TSC2: variants seen among roughly 807,000 people sequenced by gnomAD.
TSC2 encodes the protein TSC complex subunit 2, also known as tuberin.
Under a neutral mutation model 202.2 loss-of-function variants are expected in TSC2, and 29 were observed. The ratio of observed to expected loss-of-function variants is 0.14; its 90% CI spans 0.11 to 0.20. The LOEUF is 0.20. TSC2 is among the 10% of genes least tolerant of loss of function. The pLI is 1.00. For synonymous variants in TSC2, 1,349 were observed against 1,044.0 expected, an observed-to-expected ratio of 1.29 and a Z score of -5.63; for missense variants, 2,429 against 2,420.0, an observed-to-expected ratio of 1.00 and a Z score of -0.08.
In TSC2 at chr16:2,088,742, G is replaced by C; in HGVS notation, c.*132G>C. On this transcript the variant is annotated 3_prime_UTR_variant, in exon 42 of 42. Transcript: ENST00000219476. ...GACAGCTCTTTTATTGACTTTGTCTGCTTGGTGCGGGGGTTGGGGGGGTGT... is the reference window on the plus strand; with the variant it reads ...GACAGCTCTTTTATTGACTTTGTCTCCTTGGTGCGGGGGTTGGGGGGGTGT... 1 of 1,293,196 alleles carries C rather than the reference G, an allele frequency of 7.7e-7. No homozygotes were observed. The highest frequency in any genetic ancestry group is 1.1e-6 in the Non-Finnish European group (1 of 945,666). 80.1% of individuals were successfully genotyped at this position (1,293,196 alleles called of 1,614,324 possible). A position where few individuals can be genotyped will look rare whatever the true frequency, so the allele number is the denominator to read the frequency against.
Position 2,053,325 on chromosome 16 carries a change from C to T in TSC2, c.226-17C>T, listed in dbSNP as rs1356531469. 7.0e-6 allele frequency: 11 copies of T among 1,564,024 alleles called. No individual in the cohort carries two copies. Among genetic ancestry groups the T allele is most frequent in the Admixed American group, 3.8e-5 (2 of 52,920 alleles). The stretch of plus-strand genomic sequence containing the variant: ...TGGAGAGCACATCCTCACCGCTGTC[C>T]CCTCTGCTGGTGACAGCACGCAGTG... On this transcript the variant is annotated splice_polypyrimidine_tract_variant and intron_variant, in intron 3 of 41. Coordinates refer to ENST00000219476, the MANE Select transcript of TSC2 (RefSeq NM_000548.5).
chr16:2,063,221 C>T (rs1232849011), intron 14 of TSC2, 168 bp downstream of exon 14: 2 of 810,692 alleles, frequency 2.5e-6, no homozygotes, highest in East Asian at 2.7e-5. Flanking sequence ...CATTCACTGG[C>T]TTGCTCGTCC....
In TSC2 at chr16:2,071,882, G is replaced by C. The variant is rs1567465004; in HGVS notation, c.2045G>C (p.Gly682Ala). ...CCTGCAGGCCCCGCCGTGCGGCTGG[G>C]GTCCGTGCCCTACTCCCTGCTCTTC... ...PAPAGPAVRL[G>A]SVPYSLLFRV... Residue 682 changes from glycine (G) to alanine (A), a missense_variant, in exon 19 of 42, where the codon GGG (glycine) becomes GCG (alanine). Coordinates refer to ENST00000219476, the MANE Select transcript of TSC2 (RefSeq NM_000548.5). The C allele has an allele frequency of 6.3e-7, 1 of 1,597,472 alleles. No individual in the cohort carries two copies. The highest frequency in any genetic ancestry group is 8.5e-7 in the Non-Finnish European group (1 of 1,172,730).
chr16:2,076,972 C>A (rs2089478505), intron 25 of TSC2, among the ~76,000 whole-genome samples: 1 of 152,240 alleles, frequency 6.6e-6, no homozygotes. Context: ...GCTGAGCCAG[C>A]CTCTGTGTTC....
rs2151354485 is a variant in TSC2 at position 2,074,341 on chromosome 16, A to G, written c.2497A>G (p.Ile833Val). 1 of 1,612,712 alleles carries G rather than the reference A, an allele frequency of 6.2e-7. No homozygotes were observed. Among genetic ancestry groups the G allele is most frequent in the Non-Finnish European group, 8.5e-7 (1 of 1,180,034 alleles). Residue 833 changes from isoleucine (I) to valine (V), a missense_variant, in exon 22 of 42, where the codon ATC becomes GTC. By Grantham distance (29) the Ile-to-Val change is conservative. Transcript: ENST00000219476. ...LPVLVVKLTH[I>V]SATASMAVPL... is the part of the protein sequence containing the mutation. ...TGTTCTGGTGGTGAAGCTCACGCAC[A>G]TCTCAGCCACAGCCAGCATGGCCGT...
chr16:2,073,017 G>T (rs1567471073), intron 21 of TSC2, 34 bp downstream of exon 21: 1 of 1,612,880 alleles, frequency 6.2e-7, no homozygotes, highest in Non-Finnish European at 8.5e-7. Flanking sequence ...CGAGCTTGAT[G>T]GGGCCTGGGA....
chr16:2,059,047 CTTTTTT>C (rs10592762), intron 10 of TSC2, among the ~76,000 whole-genome samples, 174 bp downstream of exon 10: 9 of 142,664 alleles, frequency 6.3e-5, no homozygotes, highest in African/African-American at 2.3e-4. Flanking sequence ...AGGCTTTAGT[CTTTTTT>C]TTTTTTTTGA....
intron 10 of TSC2, among the ~76,000 whole-genome samples, chr16:2,060,436 G>A (rs1244952748): frequency 6.6e-6 from 1 of 152,244 alleles, no homozygotes; most frequent in Non-Finnish European, 1.5e-5. Context: ...GTCTGTCCGA[G>A]TCAGGGACTT....
chr16:2,081,433 G>A lies in TSC2; in HGVS notation c.3611-162G>A. 4 of 898,692 alleles carry A rather than the reference G, an allele frequency of 4.5e-6. No homozygotes were observed. In the South Asian group the frequency reaches 5.5e-5, roughly 12 times the overall value. 55.7% of individuals were successfully genotyped at this position (898,692 alleles called of 1,614,324 possible). A position where few individuals can be genotyped will look rare whatever the true frequency, so the allele number is the denominator to read the frequency against. Reference sequence around the variant, plus strand: ...CAGGGGCTGAGCGGGGCAGCAGGGTGGGTGGCCGTCAGAGCAGCGCTGGCT... The same window carrying A: ...CAGGGGCTGAGCGGGGCAGCAGGGTAGGTGGCCGTCAGAGCAGCGCTGGCT... On this transcript the variant is annotated intron_variant, in intron 30 of 41. Transcript: ENST00000219476.
chr16:2,060,562 G>A (rs2086498872), intron 10 of TSC2, 108 bp from the exon 11 acceptor site: 2 of 1,575,042 alleles, frequency 1.3e-6, no homozygotes, highest in Admixed American at 1.7e-5. Flanking sequence ...CGTGTGGTGG[G>A]CACTGCGCGC....
chr16:2,051,250 G>C (rs1054218428), intron 3 of TSC2, among the ~76,000 whole-genome samples: 1 of 151,506 alleles, frequency 6.6e-6, no homozygotes, highest in African/African-American at 2.4e-5. Flanking sequence ...AACCCGGGAG[G>C]CACAGGTTGC....
chr16:2,083,344 C>G lies in TSC2; in HGVS notation c.3884-351C>G. On this transcript the variant is annotated intron_variant, in intron 32 of 41. Coordinates refer to ENST00000219476, the MANE Select transcript of TSC2 (RefSeq NM_000548.5). ...CCGCAGCTCTCCTCGGTTACGAGGG[C>G]TGGTTTCAGGCTCCCGCTCTTTTAG... 3 of 466,854 alleles carry G rather than the reference C, an allele frequency of 6.4e-6. No individual in the cohort carries two copies. In the Admixed American group the frequency reaches 7.7e-5, roughly 12 times the overall value. 28.9% of individuals were successfully genotyped at this position (466,854 alleles called of 1,614,324 possible).
At chr16:2,063,887 C>G (rs1272705071) in intron 14 of TSC2, 1 of 372,336 alleles carries the variant, frequency 2.7e-6, no homozygotes, top group Non-Finnish European at 5.2e-6. Flanking sequence ...CACAGGCACA[C>G]ACGTGCACAT....
At chr16:2,051,726 A>T (rs1167900159) in intron 3 of TSC2, among the ~76,000 whole-genome samples, 1 of 152,192 alleles carries the variant, frequency 6.6e-6, no homozygotes, top group Non-Finnish European at 1.5e-5. Flanking sequence ...GCAGCAGCTC[A>T]TCTGAAACGT....
intron 32 of TSC2, 85 bp downstream of exon 32, chr16:2,082,589 C>T: frequency 6.8e-7 from 1 of 1,474,394 alleles, no homozygotes; most frequent in Admixed American, 1.7e-5. Context: ...TCCGCCCACC[C>T]CCATGGTCCG....
At position 2,084,404 on chromosome 16, in the gene TSC2, G is replaced by T; in HGVS notation, c.4182G>T (p.Leu1394=). The change falls in exon 34 of 42, where the codon CTG becomes CTT. Residue 1394 remains leucine (L), a synonymous_variant. Coordinates refer to ENST00000219476, the MANE Select transcript of TSC2 (RefSeq NM_000548.5). ...GCTCCTCTCCCGAGCTGCAGACTCT[G>T]CAGGACATCCTCGGGGACCCTGGGG... The part of the protein sequence containing the change: ...KSSSSPELQT[L]QDILGDPGDK... 6.2e-7 allele frequency: 1 copy of T among 1,612,040 alleles called. No homozygotes were observed. The highest frequency in any genetic ancestry group is 2.2e-5 in the East Asian group (1 of 44,854).
chr16:2,076,970 A>AGCCT (rs2089478071), intron 25 of TSC2, among the ~76,000 whole-genome samples: 1 of 152,212 alleles, frequency 6.6e-6, no homozygotes, highest in East Asian at 1.9e-4. Flanking sequence ...GAGCTGAGCC[A>AGCCT]GCCTCTGTGT....
intron 30 of TSC2, chr16:2,080,598 C>T: frequency 3.4e-6 from 2 of 584,072 alleles, no homozygotes; most frequent in South Asian, 4.1e-5. Context: ...ATTCTCCTGC[C>T]TCAGCCTCCC....
intron 16 of TSC2, among the ~76,000 whole-genome samples, chr16:2,067,125 C>G (rs1287253466): frequency 1.3e-5 from 2 of 151,524 alleles, no homozygotes; most frequent in East Asian, 2.0e-4. Context: ...GTTTTTATTT[C>G]TTGCCATGGA....
Sources: gnomAD v4.1 joint callset for allele counts (sites outside exome capture counted in the v4.1 genomes callset) on GRCh38, gnomAD v4.1.1 for gene constraint, MANE v1.5 for transcripts, NCBI Gene and HGNC (gene_info 2026-07-23, HGNC 2026-07-21) for gene names.